Variants in MSN observed in about 807,000 individuals in gnomAD.
MSN encodes epididymis luminal protein 70.
A neutral mutation model predicts 48.0 loss-of-function variants in MSN; 2 were observed. The ratio of observed to expected loss-of-function variants is 0.04; its 90% CI spans 0.02 to 0.13. MSN has a LOEUF of 0.13. MSN is among the 10% of genes least tolerant of loss of function. The probability of loss-of-function intolerance (pLI) is 1.00; values close to 1 mark genes in which losing one functional copy is unlikely to be tolerated. For missense variants in MSN, 267 were observed against 470.1 expected (o/e 0.57, Z 3.99); for synonymous variants, 146 against 166.9 (o/e 0.87, Z 0.97).
chrX:65,590,835 C>A (rs1177717704), intron 1 of MSN, among the ~76,000 whole-genome samples: 1 of 111,305 alleles, frequency 9.0e-6, no homozygotes, highest in African/African-American at 3.3e-5. Context: ...GCAGTAGCAG[C>A]AGAACAACGG....
intron 1 of MSN, among the ~76,000 whole-genome samples, chrX:65,639,025 G>T (rs947163931): frequency 8.9e-6 from 1 of 112,774 alleles, no homozygotes; most frequent in Non-Finnish European, 1.9e-5. Context: ...GAACAAATTT[G>T]TGGACCTTTA....
chrX:65,720,316 G>A (rs1385644329), intron 2 of MSN, among the ~76,000 whole-genome samples: 1 of 112,060 alleles, frequency 8.9e-6, no homozygotes, highest in Admixed American at 9.5e-5. Flanking sequence ...GTGATTGGGA[G>A]TATTCAACTT....
intron 1 of MSN, among the ~76,000 whole-genome samples, chrX:65,644,464 C>T (rs1037814134): frequency 9.0e-6 from 1 of 111,613 alleles, no homozygotes; most frequent in African/African-American, 3.3e-5. Context: ...TGCCCAGCTC[C>T]GTCGTCTCAG....
At chrX:65,639,765 T>A (rs181193009) in intron 1 of MSN, among the ~76,000 whole-genome samples, 1 of 111,764 alleles carries the variant, frequency 8.9e-6, no homozygotes, top group Admixed American at 9.6e-5. Context: ...CTATTTGATG[T>A]CGGAGGGAGT....
chrX:65,665,477 G>A (rs2070860606), upstream of MSN, among the ~76,000 whole-genome samples: 1 of 111,713 alleles, frequency 9.0e-6, no homozygotes, highest in African/African-American at 3.3e-5. Context: ...ATCTTGGCAG[G>A]GAACTTTGTT....
intron 11 of MSN, 150 bp from the exon 12 acceptor site, chrX:65,738,820 T>C (rs2071707357): frequency 9.5e-6 from 6 of 634,898 alleles, no homozygotes; most frequent in Non-Finnish European, 9.7e-6. Flanking sequence ...ATTGCTCTTG[T>C]TTTATGGATG....
chrX:65,629,210 A>G, intron 1 of MSN, among the ~76,000 whole-genome samples: 2 of 111,781 alleles, frequency 1.8e-5, no homozygotes, highest in Non-Finnish European at 3.8e-5. Context: ...GCAGGGGCAA[A>G]ATTCCACCAG....
chrX:65,619,187 T>A (rs1369526330), intron 1 of MSN, among the ~76,000 whole-genome samples: 2 of 102,189 alleles, frequency 2.0e-5, no homozygotes, highest in Non-Finnish European at 3.9e-5. Context: ...TTATGTGTCT[T>A]GGAGTTGCTC....
chrX:65,737,006 C>A, intron 9 of MSN, 81 bp downstream of exon 9: 1 of 1,169,447 alleles, frequency 8.6e-7, no homozygotes. Flanking sequence ...GAGCTGTAGA[C>A]TCAGACAATG....
chrX:65,731,270 G>A, intron 5 of MSN, 80 bp downstream of exon 5: 1 of 812,990 alleles, frequency 1.2e-6, no homozygotes, highest in Non-Finnish European at 1.8e-6. Flanking sequence ...AGAGACTGAT[G>A]ACAAGGGACA....
chrX:65,607,226 G>A (rs756858654), intron 1 of MSN, among the ~76,000 whole-genome samples: 7 of 112,219 alleles, frequency 6.2e-5, no homozygotes, highest in Non-Finnish European at 1.1e-4. Flanking sequence ...TCAAGTGCAT[G>A]TAGTTTGACC....
At chrX:65,620,408 C>T (rs982889144) in intron 1 of MSN, among the ~76,000 whole-genome samples, 12 of 113,863 alleles carry the variant, frequency 1.1e-4, no homozygotes, top group Non-Finnish European at 1.7e-4. Context: ...TACAATCTCG[C>T]GGTGCGCCGC....
chrX:65,728,325 G>T (rs143939645), intron 3 of MSN, among the ~76,000 whole-genome samples: 1 of 110,722 alleles, frequency 9.0e-6, no homozygotes, highest in South Asian at 3.9e-4. Flanking sequence ...ACGGAGTCTC[G>T]CACTCTCGCC....
At position 65,691,995 on chromosome X, in the gene MSN, G is replaced by A. The variant is rs147688116; in HGVS notation, c.12+24142G>A. On this transcript the variant is annotated intron_variant, in intron 1 of 12. Transcript: ENST00000360270. ...TGGCCACTAATGGAGGTCATTAGCC[G>A]TGGAGCTCTGTGGTGGCCTTCTTTC... Among the ~76,000 whole-genome samples, 33 of 112,152 alleles carry A rather than the reference G, an allele frequency of 2.9e-4. No homozygotes were observed. The East Asian group carries it at 8.9e-3, about 30-fold the overall frequency.
chrX:65,676,818 CT>C (rs946014701), intron 1 of MSN, among the ~76,000 whole-genome samples: 1 of 109,408 alleles, frequency 9.1e-6, no homozygotes, highest in African/African-American at 3.3e-5. Flanking sequence ...GATCCATTTC[CT>C]TTTTTTTCTT....
chrX:65,627,509 G>C (rs1340523695), intron 1 of MSN, among the ~76,000 whole-genome samples: 1 of 110,761 alleles, frequency 9.0e-6, no homozygotes, highest in African/African-American at 3.3e-5. Context: ...GATCTCATGA[G>C]ACTTTTCCAC....
intron 1 of MSN, among the ~76,000 whole-genome samples, chrX:65,675,835 A>C (rs902712183): frequency 2.7e-5 from 3 of 110,889 alleles, no homozygotes; most frequent in Admixed American, 9.5e-5. Context: ...ATGGGGTTTC[A>C]CCATGTTGGC....
At chrX:65,737,890 T>C (rs1487213268) in intron 10 of MSN, among the ~76,000 whole-genome samples, 2 of 112,045 alleles carry the variant, frequency 1.8e-5, no homozygotes, top group African/African-American at 6.5e-5. Context: ...TTTTGGGGCA[T>C]TTGGCATCCA....
intron 1 of MSN, among the ~76,000 whole-genome samples, chrX:65,656,710 G>C (rs1335954210): frequency 8.9e-6 from 1 of 111,746 alleles, no homozygotes; most frequent in Non-Finnish European, 1.9e-5. Context: ...GCACTGCGGG[G>C]CTGAGGGAGA....
Sources: allele counts gnomAD v4.1 joint callset (sites outside exome capture counted in the v4.1 genomes callset), GRCh38; gene constraint gnomAD v4.1.1; transcripts MANE v1.5; gene names NCBI Gene and HGNC (gene_info 2026-07-23, HGNC 2026-07-21).